The following CADPS variants were observed in gnomAD, a reference collection of about 807,000 sequenced individuals.
CADPS encodes the protein calcium-dependent secretion activator 1.
Under a neutral mutation model 167.3 loss-of-function variants are expected in CADPS, and 57 were observed. That is an observed-to-expected ratio of 0.34 (90% CI 0.28 to 0.42). The LOEUF (loss-of-function observed/expected upper bound fraction) is 0.42. CADPS is among the 20% of genes least tolerant of loss of function. The pLI is 1.00. For missense variants in CADPS, 1,414 were observed against 1,738.1 expected, an observed-to-expected ratio of 0.81 and a Z score of 3.32; for synonymous variants, 676 against 635.3, an observed-to-expected ratio of 1.06 and a Z score of -0.96.
At position 62,707,444 on chromosome 3, in the gene CADPS, T is replaced by C. The variant is rs112272318; in HGVS notation, c.889-45050A>G. Among the ~76,000 whole-genome samples the C allele has an allele frequency of 2.1e-4, 32 of 152,228 alleles. 2 individuals carry two copies. Among genetic ancestry groups the C allele is most frequent in the African/African-American group, 7.5e-4 (31 of 41,492 alleles). Reference sequence around the variant, plus strand: ...TAGGACTACATCACCATTATATCCATAACACTCAACACGATGCCTAACACA... The same window carrying C: ...TAGGACTACATCACCATTATATCCACAACACTCAACACGATGCCTAACACA... On this transcript the variant is annotated intron_variant, in intron 3 of 29. Coordinates refer to ENST00000383710, the MANE Select transcript of CADPS (RefSeq NM_003716.4).
At chr3:62,779,305 T>C in intron 1 of CADPS, 1 of 380,588 alleles carries the variant, frequency 2.6e-6, no homozygotes. Context: ...GGTTGCAGCC[T>C]TCTTTCCCGC....
chr3:62,492,975 CAAAG>C (rs2063997096), intron 19 of CADPS, among the ~76,000 whole-genome samples: 1 of 152,258 alleles, frequency 6.6e-6, no homozygotes, highest in South Asian at 2.1e-4. Flanking sequence ...CATACTAAGT[CAAAG>C]AAAACCATTG....
intron 1 of CADPS, among the ~76,000 whole-genome samples, chr3:62,816,553 G>A (rs1054310520): frequency 1.3e-5 from 2 of 151,914 alleles, no homozygotes; most frequent in African/African-American, 2.4e-5. Flanking sequence ...GAAAAAGGAA[G>A]AAAATTTCCC....
At chr3:62,663,611 CAAAAAAAA>C (rs34328613) in intron 3 of CADPS, among the ~76,000 whole-genome samples, 4 of 120,222 alleles carry the variant, frequency 3.3e-5, no homozygotes, top group African/African-American at 3.3e-5. Flanking sequence ...TCCCTGCCTC[CAAAAAAAA>C]AAAAAAAAAA....
At chr3:62,605,755 C>T (rs1408465904) in intron 6 of CADPS, among the ~76,000 whole-genome samples, 1 of 152,184 alleles carries the variant, frequency 6.6e-6, no homozygotes, top group Non-Finnish European at 1.5e-5. Flanking sequence ...GGAAATACGT[C>T]CTAGCCTGAT....
At chr3:62,820,031 A>G (rs201025360) in intron 1 of CADPS, among the ~76,000 whole-genome samples, 42 of 2,624 alleles carry the variant, frequency 0.016, no homozygotes, top group Non-Finnish European at 0.072. Context: ...GCATGTGTGC[A>G]CACACACACA....
chr3:62,515,172 G>A (rs1157851434), intron 16 of CADPS, among the ~76,000 whole-genome samples: 1 of 152,100 alleles, frequency 6.6e-6, no homozygotes, highest in Non-Finnish European at 1.5e-5. Flanking sequence ...GGCAGACAAT[G>A]CGCATTTGCT....
intron 26 of CADPS, among the ~76,000 whole-genome samples, chr3:62,454,238 A>C (rs1445663523): frequency 6.6e-6 from 1 of 152,212 alleles, no homozygotes; most frequent in Non-Finnish European, 1.5e-5. Flanking sequence ...TGACCTTGGG[A>C]AAAGCAATGA....
At chr3:62,642,211 T>C (rs1282822253) in intron 6 of CADPS, among the ~76,000 whole-genome samples, 1 of 151,818 alleles carries the variant, frequency 6.6e-6, no homozygotes, top group Non-Finnish European at 1.5e-5. Flanking sequence ...GCAGCAACCA[T>C]GGAATTTGAG....
At chr3:62,588,628 C>T (rs996634996) in intron 7 of CADPS, among the ~76,000 whole-genome samples, 1 of 152,052 alleles carries the variant, frequency 6.6e-6, no homozygotes, top group Non-Finnish European at 1.5e-5. Flanking sequence ...TCTATAGATA[C>T]CCACACATAT....
intron 1 of CADPS, among the ~76,000 whole-genome samples, chr3:62,793,889 C>T (rs2093168700): frequency 6.6e-6 from 1 of 152,058 alleles, no homozygotes; most frequent in African/African-American, 2.4e-5. Flanking sequence ...GAAAGAGTTC[C>T]AATTAACATC....
chr3:62,523,301 C>A (rs2071205978), intron 13 of CADPS, among the ~76,000 whole-genome samples: 1 of 152,056 alleles, frequency 6.6e-6, no homozygotes, highest in African/African-American at 2.4e-5. Flanking sequence ...AGTTTATTAA[C>A]TAATATCTAT....
intron 2 of CADPS, among the ~76,000 whole-genome samples, chr3:62,761,396 TAAC>T (rs1049045288): frequency 1.2e-4 from 18 of 151,422 alleles, no homozygotes; most frequent in Admixed American, 5.9e-4. Flanking sequence ...AACAAAAAAA[TAAC>T]AACAACAACA....
At chr3:62,536,677 G>A (rs1251040301) in intron 11 of CADPS, 96 bp from the exon 12 acceptor site, 1 of 1,266,352 alleles carries the variant, frequency 7.9e-7, no homozygotes, top group South Asian at 1.3e-5. Context: ...TAGACATTAT[G>A]AACGTTAGCT....
chr3:62,709,258 A>G (rs1266857282), intron 3 of CADPS, among the ~76,000 whole-genome samples: 1 of 152,084 alleles, frequency 6.6e-6, no homozygotes, highest in Non-Finnish European at 1.5e-5. Flanking sequence ...GCGTGATCAG[A>G]CTTTGAAAAG....
intron 19 of CADPS, among the ~76,000 whole-genome samples, 187 bp downstream of exon 19, chr3:62,493,458 C>CA (rs900539690): frequency 1.5e-4 from 23 of 151,950 alleles, no homozygotes; most frequent in Admixed American, 5.9e-4. Flanking sequence ...GAGCATTCAC[C>CA]AAAAAAAGAT....
chr3:62,871,235 G>A (rs1244959565), intron 1 of CADPS, among the ~76,000 whole-genome samples: 1 of 152,038 alleles, frequency 6.6e-6, no homozygotes, highest in African/African-American at 2.4e-5. Context: ...CTTCGGAAGT[G>A]TTCTTCCGAG....
intron 11 of CADPS, among the ~76,000 whole-genome samples, chr3:62,540,845 C>T (rs1234820161): frequency 1.3e-5 from 2 of 152,032 alleles, no homozygotes; most frequent in Admixed American, 6.6e-5. Context: ...TCCATTTTTT[C>T]CCTGTACAAA....
intron 6 of CADPS, among the ~76,000 whole-genome samples, chr3:62,643,215 A>G (rs190711120): frequency 1.3e-5 from 2 of 152,304 alleles, no homozygotes; most frequent in Admixed American, 1.3e-4. Context: ...AATACAGGGC[A>G]CTTGTACTCC....
Sources: gnomAD v4.1 joint callset for allele counts (sites outside exome capture counted in the v4.1 genomes callset) on GRCh38, gnomAD v4.1.1 for gene constraint, MANE v1.5 for transcripts, NCBI Gene and HGNC (gene_info 2026-07-23, HGNC 2026-07-21) for gene names.